Variants in CD5 observed in about 807,000 individuals in gnomAD.
CD5 encodes the protein CD5 molecule, also known as T-cell surface glycoprotein CD5.
Under a neutral mutation model 60.3 loss-of-function variants are expected in CD5, and 36 were observed. The observed-to-expected ratio is 0.60, with a 90% CI of 0.46 to 0.79. The LOEUF (loss-of-function observed/expected upper bound fraction) is 0.79. CD5 is among the 30% of genes least tolerant of loss of function. CD5 has a pLI of 0.00. For synonymous variants in CD5, 230 were observed against 257.6 expected, an observed-to-expected ratio of 0.89 and a Z score of 1.03; for missense variants, 540 against 630.6, an observed-to-expected ratio of 0.86 and a Z score of 1.54.
intron 5 of CD5, among the ~76,000 whole-genome samples, chr11:61,120,553 C>T (rs936915649): frequency 2.0e-5 from 3 of 152,210 alleles, no homozygotes; most frequent in African/African-American, 7.2e-5. Flanking sequence ...CTTGGTGACT[C>T]AGTGTGGTCC....
chr11:61,125,790 A>G lies in CD5; in HGVS notation c.1439A>G (p.Asp480Gly), dbSNP rs1039856791. 1.7e-5 allele frequency: 27 copies of G among 1,612,748 alleles called. No homozygotes were observed. In the East Asian group the frequency reaches 6.0e-4, roughly 36 times the overall value. ...CTGCATCGCTCCTCCATGCAGCCTG[A>G]CAACTCCTCCGACAGTGACTATGAT... Reference protein sequence around the residue: ...GALHRSSMQPDNSSDSDYDLH... With the variant: ...GALHRSSMQPGNSSDSDYDLH... The change falls in exon 10 of 11, where the codon GAC (aspartate) becomes GGC (glycine). Residue 480 changes from aspartate to glycine, a missense_variant. Asp to Gly is a moderately conservative substitution (Grantham distance 94). Transcript: ENST00000347785.
chr11:61,121,485 G>A (rs1335844400), intron 5 of CD5, 126 bp from the exon 6 acceptor site: 1 of 687,358 alleles, frequency 1.5e-6, no homozygotes, highest in Non-Finnish European at 2.2e-6. Context: ...TGCCTCTCCT[G>A]GTGGTCCCAC....
At chr11:61,099,978 TCACACACATCAACATGGAGATCACA>T (rs1860639597), upstream of CD5, among the ~76,000 whole-genome samples, 4 of 115,232 alleles carry the variant, frequency 3.5e-5, no homozygotes, top group South Asian at 2.7e-4. Context: ...GAGATCACAT[TCACACACATCAACATGGAGATCACA>T]CACACACATC....
At position 61,121,756 on chromosome 11, in the gene CD5, G is replaced by T. The variant is rs893887217; in HGVS notation, c.951G>T (p.Arg317=). 1.2e-5 allele frequency: 19 copies of T among 1,612,178 alleles called. No homozygotes were observed. Among genetic ancestry groups the T allele is most frequent in the Admixed American group, 1.7e-5 (1 of 59,912 alleles). The change falls in exon 6 of 11, where the codon CGG becomes CGT. Residue 317 remains arginine, a synonymous_variant. Coordinates refer to ENST00000347785, the MANE Select transcript of CD5 (RefSeq NM_014207.4). The part of the protein sequence containing the change: ...RSSLRWEEVC[R]EQQCGSVNSY... ...CGCTGCGGTGGGAGGAGGTGTGCCGGGAGCAGCAGTGTGGCAGCGTCAACT... is the reference window on the plus strand; with the variant it reads ...CGCTGCGGTGGGAGGAGGTGTGCCGTGAGCAGCAGTGTGGCAGCGTCAACT...
At chr11:61,103,910 TG>T (rs1860740439) in intron 1 of CD5, among the ~76,000 whole-genome samples, 1 of 52,728 alleles carries the variant, frequency 1.9e-5, no homozygotes. Flanking sequence ...GAGTACTGTG[TG>T]TGGGGGGGGA....
intron 1 of CD5, among the ~76,000 whole-genome samples, chr11:61,105,016 G>T (rs1860757983): frequency 6.6e-6 from 1 of 152,264 alleles, no homozygotes; most frequent in South Asian, 2.1e-4. Context: ...AGGGTTGCTG[G>T]AGTCAAACAG....
Position 61,115,103 on chromosome 11 carries a change from G to C in CD5, c.94+9G>C. 6.4e-7 allele frequency: 1 copy of C among 1,554,100 alleles called. No homozygotes were observed. The highest frequency in any genetic ancestry group is 8.7e-7 in the Non-Finnish European group (1 of 1,148,068). ...CAGCTGGTATGACCCAGGTAAGGAA[G>C]AGCCACATGGAGAAAGGCCTGGGGC... On this transcript the variant is annotated intron_variant, in intron 2 of 10. Coordinates refer to ENST00000347785, the MANE Select transcript of CD5 (RefSeq NM_014207.4).
At chr11:61,101,305 C>A (rs1308039286), upstream of CD5, among the ~76,000 whole-genome samples, 1 of 113,382 alleles carries the variant, frequency 8.8e-6, no homozygotes, top group Non-Finnish European at 1.8e-5. Flanking sequence ...CACACATCAA[C>A]ATGGAGATTA....
chr11:61,116,140 C>T (rs1171090139), intron 2 of CD5, among the ~76,000 whole-genome samples: 1 of 152,090 alleles, frequency 6.6e-6, no homozygotes, highest in Admixed American at 6.5e-5. Flanking sequence ...GGGAAAACCT[C>T]CCCCTCAGAA....
intron 1 of CD5, among the ~76,000 whole-genome samples, chr11:61,107,244 G>A (rs566264981): frequency 3.9e-5 from 6 of 152,288 alleles, no homozygotes; most frequent in Non-Finnish European, 7.4e-5. Flanking sequence ...GAGGAGAAGC[G>A]TTGCAGGCAG....
chr11:61,101,174 C>T (rs1362867451), upstream of CD5, among the ~76,000 whole-genome samples: 8 of 106,936 alleles, frequency 7.5e-5, 2 homozygotes, highest in Non-Finnish European at 1.5e-4. Flanking sequence ...ATCACACACT[C>T]ATCCACATGG....
rs565336517 is a variant in CD5 at position 61,113,206 on chromosome 11, T to C, written c.56-1850T>C. On this transcript the variant is annotated intron_variant, in intron 1 of 10. Coordinates refer to ENST00000347785, the MANE Select transcript of CD5 (RefSeq NM_014207.4). ...CAAGAGTAAACCCAAGTCGGACAGA[T>C]GGAAATCAAAATACCGTACTTGCAC... 5.3e-5 allele frequency among the ~76,000 whole-genome samples: 8 copies of C among 152,360 alleles called. No individual in the cohort carries two copies. In the East Asian group the frequency reaches 1.2e-3, roughly 22 times the overall value.
Position 61,115,075 on chromosome 11 carries a change from G to C in CD5, c.75G>C (p.Arg25=), listed in dbSNP as rs768705780. ...CTGCAGTCGCTTCCTGCCTCGGACG[G>C]CTCAGCTGGTATGACCCAGGTAAGG... ...LGMLVASCLG[R]LSWYDPDFQA... The change falls in exon 2 of 11, where the codon CGG becomes CGC. Residue 25 remains arginine, a synonymous_variant. Coordinates refer to ENST00000347785, the MANE Select transcript of CD5 (RefSeq NM_014207.4). 1 of 1,558,738 alleles carries C rather than the reference G, an allele frequency of 6.4e-7. No individual in the cohort carries two copies. Among genetic ancestry groups the C allele is most frequent in the Non-Finnish European group, 8.7e-7 (1 of 1,150,654 alleles).
Position 61,119,138 on chromosome 11 carries a change from C to A in CD5, c.464-96C>A. On this transcript the variant is annotated intron_variant, in intron 4 of 10. Transcript: ENST00000347785. ...TCACCTCCCAAGGCTAAGCGTTAGT[C>A]AGTAGTTGTCCACAAGTTGGGGCCA... 8.7e-6 allele frequency: 11 copies of A among 1,262,654 alleles called. No homozygotes were observed. In the South Asian group the frequency reaches 1.4e-4, roughly 16 times the overall value. The allele number at this position is 1,262,654 out of a possible 1,614,324, so 78.2% of individuals were successfully genotyped here. A position where few individuals can be genotyped will look rare whatever the true frequency, so the allele number is the denominator to read the frequency against.
upstream of CD5, among the ~76,000 whole-genome samples, chr11:61,100,885 T>A: frequency 9.2e-6 from 1 of 109,136 alleles, no homozygotes; most frequent in African/African-American, 3.7e-5. Flanking sequence ...CACACACACA[T>A]CAACATGGAG....
chr11:61,113,960 G>A (rs115153322), intron 1 of CD5, among the ~76,000 whole-genome samples: 2,678 of 152,272 alleles, frequency 0.018, 84 homozygotes, highest in African/African-American at 0.059. Flanking sequence ...ATGGGCCACC[G>A]TGCCCGGCCC....
rs1453626934 is a variant in CD5, at chr11:61,126,822, G to A, written c.*537G>A. ...ACCTCTGCAGCCGTGGTGGTCAGAG[G>A]CTGCTCACCTGAGCACAAAGACAGC... On this transcript the variant is annotated 3_prime_UTR_variant, in exon 11 of 11. Coordinates refer to ENST00000347785, the MANE Select transcript of CD5 (RefSeq NM_014207.4). 1 of 152,220 alleles carries A rather than the reference G, an allele frequency of 6.6e-6. No homozygotes were observed. The highest frequency in any genetic ancestry group is 1.5e-5 in the Non-Finnish European group (1 of 68,078). The allele number at this position is 152,220 out of a possible 1,614,324, so 9.4% of individuals were successfully genotyped here. A position where few individuals can be genotyped will look rare whatever the true frequency, so the allele number is the denominator to read the frequency against.
intron 2 of CD5, among the ~76,000 whole-genome samples, chr11:61,115,450 T>C (rs1314270345): frequency 6.6e-6 from 1 of 152,168 alleles, no homozygotes; most frequent in Non-Finnish European, 1.5e-5. Flanking sequence ...CAAAGATGTT[T>C]AGAGCGGAGT....
intron 1 of CD5, among the ~76,000 whole-genome samples, chr11:61,109,539 CA>C (rs1860822849): frequency 1.3e-5 from 2 of 151,348 alleles, no homozygotes; most frequent in African/African-American, 4.9e-5. Context: ...TAATTTGGCT[CA>C]AAAAATTTTT....
Sources: gnomAD v4.1 joint callset for allele counts (sites outside exome capture counted in the v4.1 genomes callset) on GRCh38, gnomAD v4.1.1 for gene constraint, MANE v1.5 for transcripts, NCBI Gene and HGNC (gene_info 2026-07-23, HGNC 2026-07-21) for gene names.